The following GRIP1 variants were observed in gnomAD, a reference collection of about 807,000 sequenced individuals.
The protein encoded by GRIP1 is glutamate receptor interacting protein 1, also known as glutamate receptor-interacting protein 1.
A neutral mutation model predicts 129.9 loss-of-function variants in GRIP1; 45 were observed. That is an observed-to-expected ratio of 0.35 (90% CI 0.27 to 0.44). The LOEUF is 0.44. Among genes scored for constraint, GRIP1 ranks in the 20% least tolerant of loss-of-function variants. The probability of loss-of-function intolerance (pLI) is 1.00; values close to 1 mark genes in which losing one functional copy is unlikely to be tolerated. For synonymous variants in GRIP1, 530 were observed against 520.8 expected, an observed-to-expected ratio of 1.02 and a Z score of -0.24; for missense variants, 1,196 against 1,396.8, an observed-to-expected ratio of 0.86 and a Z score of 2.29.
chr12:66,623,189 C>T (rs922005150), intron 1 of GRIP1, among the ~76,000 whole-genome samples: 5 of 152,132 alleles, frequency 3.3e-5, no homozygotes, highest in African/African-American at 9.7e-5. Context: ...AGAGGCATAA[C>T]ATTTAGAGAT....
chr12:66,436,905 G>C (rs1297130111), intron 13 of GRIP1, among the ~76,000 whole-genome samples: 1 of 147,286 alleles, frequency 6.8e-6, no homozygotes, highest in East Asian at 2.1e-4. Context: ...AGAATTGGTT[G>C]AACCCAGGAG....
chr12:66,781,656 A>G (rs1230242608), intron 1 of GRIP1, among the ~76,000 whole-genome samples: 1 of 152,200 alleles, frequency 6.6e-6, no homozygotes, highest in African/African-American at 2.4e-5. Flanking sequence ...TGCAAGAACA[A>G]TAGGTATGAA....
At chr12:67,010,151 A>G (rs575581830) in intron 1 of GRIP1, among the ~76,000 whole-genome samples, 17 of 152,288 alleles carry the variant, frequency 1.1e-4, no homozygotes, top group Non-Finnish European at 2.4e-4. Flanking sequence ...AGACAAAAGG[A>G]TATATATTTA....
At chr12:66,954,084 C>G (rs1342604668) in intron 1 of GRIP1, among the ~76,000 whole-genome samples, 2 of 152,186 alleles carry the variant, frequency 1.3e-5, no homozygotes, top group African/African-American at 4.8e-5. Flanking sequence ...GGTTTCAAGG[C>G]TGTCTCTTCA....
At chr12:66,764,887 C>G (rs955496839) in intron 1 of GRIP1, among the ~76,000 whole-genome samples, 7 of 152,186 alleles carry the variant, frequency 4.6e-5, no homozygotes, top group Admixed American at 4.6e-4. Context: ...TATTACTAAT[C>G]ACAGCTAATT....
At chr12:66,855,760 T>C (rs1274120202) in intron 1 of GRIP1, among the ~76,000 whole-genome samples, 2 of 152,030 alleles carry the variant, frequency 1.3e-5, no homozygotes, top group Admixed American at 6.6e-5. Context: ...TGAACAGAAC[T>C]ACCTAGATTC....
At chr12:66,446,689 A>C (rs1015423824) in intron 11 of GRIP1, among the ~76,000 whole-genome samples, 59 of 151,978 alleles carry the variant, frequency 3.9e-4, no homozygotes, top group African/African-American at 1.4e-3. Flanking sequence ...TCTAACCTAT[A>C]GCTTTTCCTT....
intron 1 of GRIP1, among the ~76,000 whole-genome samples, chr12:67,039,287 T>C (rs1215213673): frequency 4.6e-5 from 7 of 152,162 alleles, no homozygotes; most frequent in Non-Finnish European, 1.0e-4. Context: ...GAGGAACATG[T>C]TTAGGTAAAA....
At chr12:66,377,611 T>C (rs1280627447) in intron 20 of GRIP1, among the ~76,000 whole-genome samples, 1 of 150,048 alleles carries the variant, frequency 6.7e-6, no homozygotes, top group Admixed American at 6.7e-5. Context: ...AGTGCTAGGA[T>C]TGTAGGCGTG....
At chr12:66,545,621 C>A (rs2139259235) in intron 2 of GRIP1, among the ~76,000 whole-genome samples, 1 of 152,262 alleles carries the variant, frequency 6.6e-6, no homozygotes. Context: ...GCATCCCATT[C>A]ATTCATTCAA....
chr12:66,926,725 G>A (rs183362753), intron 1 of GRIP1, among the ~76,000 whole-genome samples: 17 of 152,272 alleles, frequency 1.1e-4, no homozygotes, highest in Admixed American at 4.6e-4. Flanking sequence ...AGTCTATGCC[G>A]TGTGCTACAC....
At chr12:66,919,025 T>C (rs967848341) in intron 1 of GRIP1, among the ~76,000 whole-genome samples, 1 of 152,216 alleles carries the variant, frequency 6.6e-6, no homozygotes, top group Non-Finnish European at 1.5e-5. Flanking sequence ...TCATTTGAGC[T>C]TCAGTCCCAC....
intron 4 of GRIP1, among the ~76,000 whole-genome samples, chr12:66,536,732 G>T (rs2061616139): frequency 6.6e-6 from 1 of 152,074 alleles, no homozygotes; most frequent in Admixed American, 6.6e-5. Flanking sequence ...ATTTATTATG[G>T]TTTTATTTTA....
intron 13 of GRIP1, among the ~76,000 whole-genome samples, chr12:66,437,372 C>A (rs529348470): frequency 6.2e-4 from 50 of 81,116 alleles, no homozygotes; most frequent in African/African-American, 1.7e-3. Context: ...CTGGGCTCAG[C>A]GGGAGAATAT....
Position 66,972,968 on chromosome 12 carries a change from A to T in GRIP1, c.58+96082T>A, listed in dbSNP as rs1469511878. Among the ~76,000 whole-genome samples, 9 of 152,214 alleles carry T rather than the reference A, an allele frequency of 5.9e-5. No homozygotes were observed. In the East Asian group the frequency reaches 1.7e-3, roughly 29 times the overall value. Reference sequence around the variant, plus strand: ...AAAGAGAAGATGAAAGAAAAATGGGATACAATGGCAGTATTAATGATAGCC... The same window carrying T: ...AAAGAGAAGATGAAAGAAAAATGGGTTACAATGGCAGTATTAATGATAGCC... On this transcript the variant is annotated intron_variant, in intron 1 of 1. Transcript: ENST00000643019.
At chr12:66,607,399 T>C (rs2064586126) in intron 1 of GRIP1, among the ~76,000 whole-genome samples, 1 of 152,212 alleles carries the variant, frequency 6.6e-6, no homozygotes, top group African/African-American at 2.4e-5. Context: ...ATAGAGGATT[T>C]ATGAACTTGT....
intron 1 of GRIP1, among the ~76,000 whole-genome samples, chr12:66,654,921 A>G (rs1161631163): frequency 6.6e-5 from 10 of 152,232 alleles, no homozygotes; most frequent in Admixed American, 5.9e-4. Context: ...ACATTCCCCT[A>G]GGAATAAAGA....
intron 1 of GRIP1, among the ~76,000 whole-genome samples, chr12:67,043,738 A>G (rs2135821808): frequency 6.6e-6 from 1 of 152,246 alleles, no homozygotes; most frequent in African/African-American, 2.4e-5. Context: ...CATAATCCAC[A>G]AAAAAGTTTA....
At chr12:66,826,071 A>G (rs1229669940) in intron 1 of GRIP1, among the ~76,000 whole-genome samples, 3 of 152,212 alleles carry the variant, frequency 2.0e-5, no homozygotes, top group Non-Finnish European at 4.4e-5. Flanking sequence ...ATGCCCATCA[A>G]TGATAGTCTG....
Sources: allele counts gnomAD v4.1 joint callset (sites outside exome capture counted in the v4.1 genomes callset), GRCh38; gene constraint gnomAD v4.1.1; transcripts MANE v1.5; gene names NCBI Gene and HGNC (gene_info 2026-07-23, HGNC 2026-07-21).